The following B3GALT1 variants were observed in gnomAD, a reference collection of about 807,000 sequenced individuals.
The protein encoded by B3GALT1 is UDP-Gal:betaGlcNAc beta 1,3-galactosyltransferase, polypeptide 1.
A neutral mutation model predicts 23.2 loss-of-function variants in B3GALT1; 10 were observed. The ratio of observed to expected loss-of-function variants is 0.43; its 90% CI spans 0.27 to 0.73. B3GALT1 has a LOEUF of 0.73. B3GALT1 is among the 30% of genes least tolerant of loss of function. The probability of loss-of-function intolerance (pLI) is 0.21; values close to 1 mark genes in which losing one functional copy is unlikely to be tolerated. For missense variants in B3GALT1, 299 were observed against 405.4 expected (o/e 0.74, Z 2.25); for synonymous variants, 156 against 141.5 (o/e 1.10, Z -0.73).
chr2:167,470,541 C>A (rs950630662), intron 1 of B3GALT1, among the ~76,000 whole-genome samples: 6 of 151,586 alleles, frequency 4.0e-5, no homozygotes, highest in South Asian at 2.1e-4. Flanking sequence ...ATATGGTAGT[C>A]CTGTATGTTT....
chr2:167,597,215 A>C (rs865990307), intron 2 of B3GALT1, among the ~76,000 whole-genome samples: 1 of 150,426 alleles, frequency 6.6e-6, no homozygotes, highest in African/African-American at 2.4e-5. Context: ...TTCCGGGTTC[A>C]TGCCATTCTC....
intron 3 of B3GALT1, among the ~76,000 whole-genome samples, chr2:167,765,166 A>G (rs1467119131): frequency 1.3e-5 from 2 of 152,186 alleles, no homozygotes; most frequent in African/African-American, 4.8e-5. Context: ...GCCTGGAGAC[A>G]CAGCAGTTAC....
intron 2 of B3GALT1, among the ~76,000 whole-genome samples, chr2:167,526,687 T>C (rs901376715): frequency 1.2e-4 from 19 of 152,322 alleles, no homozygotes; most frequent in African/African-American, 3.8e-4. Flanking sequence ...AGAAATGTAA[T>C]TTGCATTTTA....
intron 3 of B3GALT1, among the ~76,000 whole-genome samples, chr2:167,700,372 T>A (rs59053319): frequency 0.11 from 16,937 of 152,190 alleles, 1,104 homozygotes; most frequent in East Asian, 0.34. Context: ...TATTTTCCTA[T>A]TTTATTACCA....
chr2:167,461,265 G>T (rs1699255402), intron 1 of B3GALT1, among the ~76,000 whole-genome samples: 1 of 152,150 alleles, frequency 6.6e-6, no homozygotes, highest in Non-Finnish European at 1.5e-5. Flanking sequence ...CTAGGGGTTG[G>T]GTAGCCAGTA....
chr2:167,751,373 A>T (rs1462333271), intron 3 of B3GALT1, among the ~76,000 whole-genome samples: 2 of 152,208 alleles, frequency 1.3e-5, no homozygotes, highest in Non-Finnish European at 2.9e-5. Flanking sequence ...AGAGGACCAG[A>T]TGAGATTGGA....
chr2:167,565,958 G>C (rs537455082), intron 2 of B3GALT1, among the ~76,000 whole-genome samples: 1,741 of 152,060 alleles, frequency 0.011, 30 homozygotes, highest in African/African-American at 0.039. Context: ...CCTCAGGGAT[G>C]TAGAACTAGA....
chr2:167,784,556 C>T (rs1393117427), intron 3 of B3GALT1, among the ~76,000 whole-genome samples: 2 of 152,148 alleles, frequency 1.3e-5, no homozygotes, highest in Non-Finnish European at 2.9e-5. Flanking sequence ...TTTAAGCCTA[C>T]TTGTACAAAG....
intron 2 of B3GALT1, among the ~76,000 whole-genome samples, chr2:167,546,575 A>G (rs1349620911): frequency 1.3e-5 from 2 of 152,126 alleles, no homozygotes; most frequent in African/African-American, 4.8e-5. Context: ...CCAGCCAAGG[A>G]CAGAGACCAG....
intron 2 of B3GALT1, among the ~76,000 whole-genome samples, chr2:167,559,801 T>C (rs1330749347): frequency 6.6e-6 from 1 of 152,170 alleles, no homozygotes; most frequent in Non-Finnish European, 1.5e-5. Flanking sequence ...AATATGGGAC[T>C]ATGTGAAAAG....
In B3GALT1 at chr2:167,447,568, C is replaced by A. The variant is rs927038996; in HGVS notation, c.-510-42609C>A. ...ACTCAAGCCTCAGCAATGGCAGGCACCCCTCCCCCAGCCTCTCTGCCCCCT... is the reference window on the plus strand; with the variant it reads ...ACTCAAGCCTCAGCAATGGCAGGCAACCCTCCCCCAGCCTCTCTGCCCCCT... On this transcript the variant is annotated intron_variant, in intron 1 of 4. Coordinates refer to ENST00000392690, the MANE Select transcript of B3GALT1 (RefSeq NM_020981.4). Among the ~76,000 whole-genome samples, 7 of 152,136 alleles carry A rather than the reference C, an allele frequency of 4.6e-5. No individual in the cohort carries two copies. In the East Asian group the frequency reaches 1.3e-3, roughly 29 times the overall value.
chr2:167,396,226 A>G (rs910148733), intron 1 of B3GALT1, among the ~76,000 whole-genome samples: 2 of 152,082 alleles, frequency 1.3e-5, no homozygotes, highest in African/African-American at 4.8e-5. Flanking sequence ...CTCATGGGAA[A>G]CCGTTGAATG....
At chr2:167,495,943 A>G (rs778380738) in intron 2 of B3GALT1, among the ~76,000 whole-genome samples, 24 of 152,184 alleles carry the variant, frequency 1.6e-4, no homozygotes, top group Admixed American at 4.6e-4. Context: ...TCACAGAGCA[A>G]GTTAAACTTG....
intron 2 of B3GALT1, among the ~76,000 whole-genome samples, chr2:167,556,403 G>A (rs1683853328): frequency 6.6e-6 from 1 of 152,010 alleles, no homozygotes; most frequent in East Asian, 1.9e-4. Context: ...ACAATAATGA[G>A]AATGTACAAA....
intron 3 of B3GALT1, among the ~76,000 whole-genome samples, chr2:167,808,053 G>A (rs1448580411): frequency 3.9e-5 from 6 of 152,062 alleles, no homozygotes; most frequent in Non-Finnish European, 7.4e-5. Flanking sequence ...TTACCATTAT[G>A]TAATGGCCTT....
At chr2:167,517,786 C>A (rs1230515502) in intron 2 of B3GALT1, among the ~76,000 whole-genome samples, 1 of 152,004 alleles carries the variant, frequency 6.6e-6, no homozygotes, top group Non-Finnish European at 1.5e-5. Flanking sequence ...ATGAATAATT[C>A]CACAGACAAT....
chr2:167,868,825 T>C lies in B3GALT1; in HGVS notation c.-215T>C, dbSNP rs562616878. Reference sequence around the variant, plus strand: ...TGATTTTGCAGAGTTAAGAGGAAGATTTATGAGTCATGGAACCCTCCATCA... The same window carrying C: ...TGATTTTGCAGAGTTAAGAGGAAGACTTATGAGTCATGGAACCCTCCATCA... On this transcript the variant is annotated 5_prime_UTR_variant, in exon 5 of 5. Transcript: ENST00000392690. The C allele has an allele frequency of 5.8e-6, 3 of 519,110 alleles. No homozygotes were observed. Among genetic ancestry groups the C allele is most frequent in the African/African-American group, 3.8e-5 (2 of 52,984 alleles). 32.2% of individuals were successfully genotyped at this position (519,110 alleles called of 1,614,324 possible). A position where few individuals can be genotyped will look rare whatever the true frequency, so the allele number is the denominator to read the frequency against.
intron 3 of B3GALT1, among the ~76,000 whole-genome samples, chr2:167,697,621 G>A (rs2105506772): frequency 6.6e-6 from 1 of 152,284 alleles, no homozygotes; most frequent in East Asian, 1.9e-4. Context: ...CTTAATTTCT[G>A]CCCTCTAGGA....
intron 1 of B3GALT1, among the ~76,000 whole-genome samples, chr2:167,367,058 G>A (rs1211129415): frequency 6.6e-6 from 1 of 152,104 alleles, no homozygotes; most frequent in Admixed American, 6.5e-5. Flanking sequence ...AATCATAGGT[G>A]GTATGGTTCA....
Sources: allele counts gnomAD v4.1 joint callset (sites outside exome capture counted in the v4.1 genomes callset), GRCh38; gene constraint gnomAD v4.1.1; transcripts MANE v1.5; gene names NCBI Gene and HGNC (gene_info 2026-07-23, HGNC 2026-07-21).